Variants in POLR1C observed in about 807,000 individuals in gnomAD.
The protein encoded by POLR1C is RNA polymerase I and III subunit C.
Under a neutral mutation model 38.3 loss-of-function variants are expected in POLR1C, and 42 were observed. The observed-to-expected ratio is 1.10, with a 90% CI of 0.86 to 1.42. The LOEUF is 1.42. POLR1C is among the 40% of genes most tolerant of loss of function. The pLI, the probability that POLR1C is intolerant of heterozygous loss-of-function variation, is 0.00. For missense variants in POLR1C, 507 were observed against 450.5 expected (o/e 1.13, Z -1.14); for synonymous variants, 163 against 163.9 (o/e 0.99, Z 0.04).
chr6:43,553,631 A>C, intron 10 of POLR1C: 1 of 1,434,568 alleles, frequency 7.0e-7, no homozygotes, highest in African/African-American at 1.4e-5. Flanking sequence ...TGATTGAAGG[A>C]GCAGGGTAAT....
intron 9 of POLR1C, among the ~76,000 whole-genome samples, chr6:43,547,050 C>T (rs889281434): frequency 2.0e-5 from 3 of 152,108 alleles, no homozygotes; most frequent in Non-Finnish European, 2.9e-5. Context: ...GGCTTAGATA[C>T]GATCCAAAAC....
At position 43,560,108 on chromosome 6, in the gene POLR1C, C is replaced by T. The variant is rs919488345; in HGVS notation, c.*49-1292C>T. ...AGCTGGGATTATAGGCGTGAGCCAC[C>T]GCACCCAGCCTCAAAGTCTTATTAT... On this transcript the variant is annotated intron_variant, in intron 10 of 10. Coordinates refer to the POLR1C transcript ENST00000607635. The T allele has an allele frequency of 1.2e-5, 18 of 1,536,064 alleles. No individual in the cohort carries two copies. The East Asian group carries it at 1.9e-4, about 16-fold the overall frequency.
In POLR1C at chr6:43,528,790, T is replaced by C. The variant is rs748786340; in HGVS notation, c.923-459T>C. On this transcript the variant is annotated intron_variant, in intron 8 of 8. Coordinates refer to the POLR1C transcript ENST00000304004. ...GCTCAGAAATGGCCAGAGGCCTTAA[T>C]AGTACTCTTTGCTTCCTGTTCCTGA... The C allele has an allele frequency of 2.5e-6, 4 of 1,581,750 alleles. No homozygotes were observed. The East Asian group carries it at 6.7e-5, about 27-fold the overall frequency.
At chr6:43,531,845 C>G (rs547517245), downstream of POLR1C, among the ~76,000 whole-genome samples, 17 of 152,126 alleles carry the variant, frequency 1.1e-4, no homozygotes, top group East Asian at 2.5e-3. Context: ...AGTGACAACT[C>G]AAAAGTATTT....
chr6:43,540,296 G>A (rs894602934), intron 9 of POLR1C, among the ~76,000 whole-genome samples: 1 of 152,144 alleles, frequency 6.6e-6, no homozygotes, highest in Admixed American at 6.5e-5. Context: ...TGGCTAATAC[G>A]GTGAAACCCT....
In POLR1C at chr6:43,517,251, G is replaced by A. The variant is rs531890456; in HGVS notation, c.70-55G>A. Reference sequence around the variant, plus strand: ...AGGGATGGGTCTTGGGATTGGCGTGGGGATAGCTGTGGGCTCACTGTCCCT... The same window carrying A: ...AGGGATGGGTCTTGGGATTGGCGTGAGGATAGCTGTGGGCTCACTGTCCCT... On this transcript the variant is annotated intron_variant, in intron 1 of 8. Coordinates refer to ENST00000642195, the MANE Select transcript of POLR1C (RefSeq NM_203290.4). 107 of 1,607,540 alleles carry A rather than the reference G, an allele frequency of 6.7e-5. 1 individual carries two copies. The African/African-American group carries it at 1.1e-3, about 17-fold the overall frequency.
At chr6:43,526,080 G>T, downstream of POLR1C, 1 of 666,584 alleles carries the variant, frequency 1.5e-6, no homozygotes, top group African/African-American at 1.8e-5. Flanking sequence ...TAATGCCCAT[G>T]CCCATGGCTG....
intron 2 of POLR1C, among the ~76,000 whole-genome samples, chr6:43,518,095 G>A (rs1048005723): frequency 6.6e-6 from 1 of 152,070 alleles, no homozygotes; most frequent in Non-Finnish European, 1.5e-5. Flanking sequence ...TGAGTGGTAG[G>A]CAAGGTTGAA....
intron 9 of POLR1C, among the ~76,000 whole-genome samples, chr6:43,538,211 G>A (rs999611723): frequency 1.6e-5 from 2 of 124,298 alleles, no homozygotes; most frequent in South Asian, 2.8e-4. Flanking sequence ...GTACAATGGC[G>A]TGATCTCAGC....
intron 2 of POLR1C, among the ~76,000 whole-genome samples, chr6:43,518,379 G>A (rs773707228): frequency 2.6e-5 from 4 of 152,174 alleles, no homozygotes; most frequent in Non-Finnish European, 5.9e-5. Flanking sequence ...CTGCTTTGAT[G>A]CATTGTGGTA....
At chr6:43,530,967 A>C, downstream of POLR1C, 1 of 1,082,050 alleles carries the variant, frequency 9.2e-7, no homozygotes, top group East Asian at 2.6e-5. Context: ...GAACTTATAG[A>C]TACAGCATCT....
In POLR1C at chr6:43,547,378, A is replaced by C. The variant is rs977636550; in HGVS notation, c.*5-3590A>C. On this transcript the variant is annotated intron_variant, in intron 9 of 10. Transcript: ENST00000607635. ...CTTCAGTCTTCAGAGCTATTTAGAGATCCTTAAAGCCAAAATAATGACTTC... is the reference window on the plus strand; with the variant it reads ...CTTCAGTCTTCAGAGCTATTTAGAGCTCCTTAAAGCCAAAATAATGACTTC... 3 of 610,784 alleles carry C rather than the reference A, an allele frequency of 4.9e-6. No homozygotes were observed. In the African/African-American group the frequency reaches 5.6e-5, roughly 11 times the overall value. The allele number at this position is 610,784 out of a possible 1,614,324, so 37.8% of individuals were successfully genotyped here.
chr6:43,528,049 A>C, intron 8 of POLR1C: 5 of 1,128,346 alleles, frequency 4.4e-6, no homozygotes, highest in Non-Finnish European at 6.4e-6. Flanking sequence ...AATGACTACA[A>C]CCTACTGCTC....
downstream of POLR1C, chr6:43,525,102 C>G: frequency 6.4e-7 from 1 of 1,571,310 alleles, no homozygotes; most frequent in Non-Finnish European, 8.6e-7. Context: ...GGTGAATAAC[C>G]ATACTTGTTT....
intron 10 of POLR1C, chr6:43,558,671 C>T: frequency 9.3e-7 from 1 of 1,075,616 alleles, no homozygotes; most frequent in Non-Finnish European, 1.3e-6. Flanking sequence ...AGTTCAAGCA[C>T]TTTTAATTTA....
intron 10 of POLR1C, among the ~76,000 whole-genome samples, chr6:43,559,791 G>T (rs150288873): frequency 5.9e-5 from 9 of 152,108 alleles, no homozygotes; most frequent in Admixed American, 5.2e-4. Flanking sequence ...TGATGAAGAA[G>T]GGCTGTTAAT....
chr6:43,539,589 T>G, intron 9 of POLR1C: 1 of 1,374,466 alleles, frequency 7.3e-7, no homozygotes, highest in Non-Finnish European at 1.0e-6. Flanking sequence ...GGTCCACGGC[T>G]GCGACCCCGG....
At chr6:43,553,657 T>C in intron 10 of POLR1C, 1 of 1,391,658 alleles carries the variant, frequency 7.2e-7, no homozygotes, top group East Asian at 2.6e-5. Context: ...CCCTCTCAGC[T>C]GGGGCAAAGA....
chr6:43,558,411 G>A lies in POLR1C; in HGVS notation c.*49-2989G>A, dbSNP rs1762226168. On this transcript the variant is annotated intron_variant, in intron 10 of 10. Coordinates refer to the POLR1C transcript ENST00000607635. ...TGCTATCCAGATTTGGGGATCTTTC[G>A]TAAAAACCCCAAACACCATGCACCA... The A allele has an allele frequency of 4.9e-6, 6 of 1,226,652 alleles. No individual in the cohort carries two copies. In the East Asian group the frequency reaches 1.1e-4, roughly 22 times the overall value. The allele number at this position is 1,226,652 out of a possible 1,614,324, so 76.0% of individuals were successfully genotyped here.
Sources: allele counts gnomAD v4.1 joint callset (sites outside exome capture counted in the v4.1 genomes callset), GRCh38; gene constraint gnomAD v4.1.1; transcripts MANE v1.5; gene names NCBI Gene and HGNC (gene_info 2026-07-23, HGNC 2026-07-21).